The following NFE2L2 variants were observed in gnomAD, a reference collection of about 807,000 sequenced individuals.
The protein encoded by NFE2L2 is nuclear factor erythroid 2-related factor 2.
In NFE2L2, 20 loss-of-function variants were observed where a neutral mutation model predicts 49.6. The ratio of observed to expected loss-of-function variants is 0.40; its 90% CI spans 0.28 to 0.59. NFE2L2 has a LOEUF of 0.59. Among genes scored for constraint, NFE2L2 ranks in the 20% least tolerant of loss-of-function variants. NFE2L2 has a pLI of 0.40. For synonymous variants in NFE2L2, 244 were observed against 256.5 expected, an observed-to-expected ratio of 0.95 and a Z score of 0.47; for missense variants, 578 against 714.2, an observed-to-expected ratio of 0.81 and a Z score of 2.17.
chr2:177,230,674 A>G lies in NFE2L2; in HGVS notation c.*111T>C. ...ATTATTTTCTATACTAGTTTTGGCTATGATTTTGCATAGAATTACTTATAA... is the reference window on the plus strand; with the variant it reads ...ATTATTTTCTATACTAGTTTTGGCTGTGATTTTGCATAGAATTACTTATAA... On this transcript the variant is annotated 3_prime_UTR_variant, in exon 5 of 5. Transcript: ENST00000397062. 1 of 1,245,546 alleles carries G rather than the reference A, an allele frequency of 8.0e-7. No homozygotes were observed. The highest frequency in any genetic ancestry group is 1.1e-6 in the Non-Finnish European group (1 of 926,726). The allele number at this position is 1,245,546 out of a possible 1,614,324, so 77.2% of individuals were successfully genotyped here. A position where few individuals can be genotyped will look rare whatever the true frequency, so the allele number is the denominator to read the frequency against.
chr2:177,233,938 T>C (rs752971703), intron 2 of NFE2L2, 67 bp downstream of exon 2: 32 of 1,578,914 alleles, frequency 2.0e-5, no homozygotes, highest in Non-Finnish European at 2.8e-5. Context: ...AATCCAGATA[T>C]TTTAATTCCT....
chr2:177,255,211 G>T (rs534529599), intron 1 of NFE2L2, among the ~76,000 whole-genome samples: 2 of 152,312 alleles, frequency 1.3e-5, no homozygotes, highest in South Asian at 4.1e-4. Flanking sequence ...GAGGAGGAAA[G>T]ACTTTACTTC....
At chr2:177,261,733 G>A (rs546129107) in intron 1 of NFE2L2, among the ~76,000 whole-genome samples, 9 of 152,290 alleles carry the variant, frequency 5.9e-5, no homozygotes, top group East Asian at 1.9e-4. Flanking sequence ...ACCCAGGGAC[G>A]TGCCCAGTAA....
chr2:177,233,108 AT>A (rs1404833113), intron 3 of NFE2L2, 141 bp downstream of exon 3: 6 of 687,986 alleles, frequency 8.7e-6, no homozygotes, highest in Non-Finnish European at 1.4e-5. Context: ...TGACAAGAGT[AT>A]TTCCTTGGTT....
At chr2:177,264,009 G>A in intron 1 of NFE2L2, 3 of 945,878 alleles carry the variant, frequency 3.2e-6, no homozygotes, top group Non-Finnish European at 3.8e-6. Context: ...AGGTCTTGGG[G>A]CGCGGCGAAG....
intron 1 of NFE2L2, among the ~76,000 whole-genome samples, chr2:177,255,357 A>T (rs983801366): frequency 6.6e-6 from 1 of 152,222 alleles, no homozygotes; most frequent in Non-Finnish European, 1.5e-5. Context: ...TTCACCAAAC[A>T]GGCAGTGTGG....
chr2:177,245,233 A>G (rs13402068), intron 1 of NFE2L2, among the ~76,000 whole-genome samples: 6,543 of 152,110 alleles, frequency 0.043, 495 homozygotes, highest in African/African-American at 0.15. Context: ...TTAATGCCAC[A>G]CTGTCACGGA....
chr2:177,233,837 A>C (rs77817284), intron 2 of NFE2L2, 168 bp downstream of exon 2: 1 of 790,394 alleles, frequency 1.3e-6, no homozygotes, highest in African/African-American at 1.7e-5. Context: ...TTGGGTACTG[A>C]ACTCAGGTTA....
chr2:177,248,092 G>A (rs996590711), intron 1 of NFE2L2, among the ~76,000 whole-genome samples: 2 of 152,146 alleles, frequency 1.3e-5, no homozygotes, highest in Admixed American at 6.6e-5. Context: ...GACAGTGATC[G>A]TGGAGACCGC....
At chr2:177,235,581 G>T (rs1194042094) in intron 1 of NFE2L2, among the ~76,000 whole-genome samples, 3 of 152,338 alleles carry the variant, frequency 2.0e-5, no homozygotes, top group East Asian at 3.9e-4. Flanking sequence ...TGTAATCCCA[G>T]GAGTTTGGGA....
Position 177,231,894 on chromosome 2 carries a change from T to C in NFE2L2, c.709A>G (p.Lys237Glu), listed in dbSNP as rs764274303. ...TGTGGACTACAGTTACCTACTTCTT[T>C]TTCCATTGAGGGTATAGATGAGTAA... ...HFYSSIPSME[K>E]EVGNCSPHFL... The change falls in exon 5 of 5, where the codon AAA (lysine) becomes GAA (glutamate). Residue 237 changes from lysine to glutamate, a missense_variant. Around this residue, in one of 3 missense-constraint regions of NFE2L2, gnomAD observed 368 missense variants for 384.6 expected, o/e 0.96. Coordinates refer to ENST00000397062, the MANE Select transcript of NFE2L2 (RefSeq NM_006164.5). 2 of 1,614,200 alleles carry C rather than the reference T, an allele frequency of 1.2e-6. No homozygotes were observed. The highest frequency in any genetic ancestry group is 2.2e-5 in the South Asian group (2 of 91,084).
chr2:177,233,295 G>A lies in NFE2L2; in HGVS notation c.357C>T (p.Cys119=), dbSNP rs2105456840. 1 of 1,609,320 alleles carries A rather than the reference G, an allele frequency of 6.2e-7. No homozygotes were observed. Among genetic ancestry groups the A allele is most frequent in the South Asian group, 1.1e-5 (1 of 90,152 alleles). ...GGAATGTCTGCGCCAAAAGCTGCAT[G>A]CAGTCATCAAAGTACAAAGCATCTG... ...PKSDALYFDD[C]MQLLAQTFPF... is the part of the protein sequence containing the mutation. Residue 119 remains cysteine, a synonymous_variant, in exon 3 of 5, where the codon TGC becomes TGT. Transcript: ENST00000397062.
chr2:177,232,816 C>A (rs767793119), intron 3 of NFE2L2: 7 of 521,806 alleles, frequency 1.3e-5, no homozygotes, highest in East Asian at 1.2e-4. Context: ...CTTTAAAATG[C>A]GTAAGTACAA....
intron 1 of NFE2L2, among the ~76,000 whole-genome samples, chr2:177,260,736 G>GA (rs1302678369): frequency 2.6e-5 from 4 of 152,138 alleles, no homozygotes; most frequent in African/African-American, 9.6e-5. Context: ...TGGAACAGAA[G>GA]AAATGTACCA....
At chr2:177,261,828 T>C (rs896927658) in intron 1 of NFE2L2, among the ~76,000 whole-genome samples, 1 of 152,178 alleles carries the variant, frequency 6.6e-6, no homozygotes, top group Non-Finnish European at 1.5e-5. Context: ...GGAGGAAATA[T>C]TGACACAAAA....
chr2:177,264,410 G>C lies in NFE2L2; in HGVS notation c.45+122C>G, dbSNP rs540117551. On this transcript the variant is annotated intron_variant, in intron 1 of 4. Coordinates refer to ENST00000397062, the MANE Select transcript of NFE2L2 (RefSeq NM_006164.5). ...GCGCGGCGGCTCTACCCAGCGCCGC[G>C]GTCCTGGCTCTGGCCAGACGTGGGG... 3.0e-5 allele frequency: 31 copies of C among 1,032,496 alleles called. No homozygotes were observed. In the South Asian group the frequency reaches 5.2e-4, roughly 17 times the overall value. 64.0% of individuals were successfully genotyped at this position (1,032,496 alleles called of 1,614,324 possible).
chr2:177,261,297 T>C (rs1484349346), intron 1 of NFE2L2, among the ~76,000 whole-genome samples: 5 of 152,180 alleles, frequency 3.3e-5, no homozygotes, highest in Non-Finnish European at 5.9e-5. Context: ...ACTCTCCCTG[T>C]ATTTAACAAG....
At chr2:177,246,600 T>TTTC (rs1398358999) in intron 1 of NFE2L2, among the ~76,000 whole-genome samples, 56 of 141,404 alleles carry the variant, frequency 4.0e-4, no homozygotes, top group African/African-American at 1.3e-3. Context: ...TCCCTTTTTC[T>TTTC]TTTTTTTCTT....
In NFE2L2 at chr2:177,232,508, T is replaced by C; in HGVS notation, c.478A>G (p.Asn160Asp). The part of the protein sequence containing the change: ...HIESPVFIAT[N>D]QAQSPETSVA... ...GAAGTTTCAGGTGACTGAGCCTGATTAGTAGCAATGAAGACTGGGCTCTCG... is the reference window on the plus strand; with the variant it reads ...GAAGTTTCAGGTGACTGAGCCTGATCAGTAGCAATGAAGACTGGGCTCTCG... Residue 160 changes from asparagine to aspartate, a missense_variant, in exon 4 of 5, where the codon AAT becomes GAT. This residue lies in a region of NFE2L2 where 368 missense variants were observed against 384.6 expected (regional missense o/e 0.96). Transcript: ENST00000397062. The C allele has an allele frequency of 1.9e-6, 3 of 1,614,114 alleles. No individual in the cohort carries two copies. The highest frequency in any genetic ancestry group is 2.5e-6 in the Non-Finnish European group (3 of 1,179,998).
Sources: gnomAD v4.1 joint callset for allele counts (sites outside exome capture counted in the v4.1 genomes callset) on GRCh38, gnomAD v4.1.1 for gene constraint, gnomAD v4.1.1 regional missense constraint, MANE v1.5 for transcripts, NCBI Gene and HGNC (gene_info 2026-07-23, HGNC 2026-07-21) for gene names.